The following SNX29 variants were observed in gnomAD, a reference collection of about 807,000 sequenced individuals.
SNX29 encodes the protein sorting nexin 29.
A neutral mutation model predicts 102.1 loss-of-function variants in SNX29; 78 were observed. The observed-to-expected ratio is 0.76, with a 90% CI of 0.64 to 0.92. SNX29 has a LOEUF of 0.92. Among genes scored for constraint, SNX29 ranks in the 40% least tolerant of loss-of-function variants. The probability of loss-of-function intolerance (pLI) is 0.00; values close to 1 mark genes in which losing one functional copy is unlikely to be tolerated. For synonymous variants in SNX29, 580 were observed against 414.5 expected, an observed-to-expected ratio of 1.40 and a Z score of -4.85; for missense variants, 1,280 against 1,061.7, an observed-to-expected ratio of 1.21 and a Z score of -2.86.
chr16:12,145,321 G>C (rs2055021722), intron 13 of SNX29, among the ~76,000 whole-genome samples: 1 of 152,206 alleles, frequency 6.6e-6, no homozygotes, highest in African/African-American at 2.4e-5. Context: ...GTCCACTTAA[G>C]TATATTTTTA....
intron 16 of SNX29, among the ~76,000 whole-genome samples, chr16:12,362,890 G>C (rs573262699): frequency 6.6e-6 from 1 of 152,156 alleles, no homozygotes; most frequent in African/African-American, 2.4e-5. Flanking sequence ...TTGGGTTTCA[G>C]TGATTCACAT....
chr16:12,018,923 T>A (rs2056932159), intron 3 of SNX29, among the ~76,000 whole-genome samples: 1 of 152,034 alleles, frequency 6.6e-6, no homozygotes, highest in Non-Finnish European at 1.5e-5. Context: ...TGTTTTTACA[T>A]TTGTGGGTTA....
At chr16:12,509,807 A>C (rs185252631) in intron 19 of SNX29, among the ~76,000 whole-genome samples, 4 of 152,172 alleles carry the variant, frequency 2.6e-5, no homozygotes, top group Non-Finnish European at 5.9e-5. Context: ...CCGCCACATG[A>C]GTGAATGCCG....
chr16:12,447,460 A>G (rs201956215), intron 18 of SNX29, among the ~76,000 whole-genome samples: 7 of 152,162 alleles, frequency 4.6e-5, no homozygotes, highest in South Asian at 2.1e-4. Context: ...TTCTGGATCA[A>G]TTTTCACCTT....
intron 14 of SNX29, among the ~76,000 whole-genome samples, chr16:12,221,991 C>T (rs764756998): frequency 6.6e-6 from 1 of 152,164 alleles, no homozygotes; most frequent in Non-Finnish European, 1.5e-5. Flanking sequence ...TGGAACTGGA[C>T]CTTTCCACGT....
At chr16:12,285,709 T>C (rs2079572616) in intron 15 of SNX29, among the ~76,000 whole-genome samples, 1 of 152,224 alleles carries the variant, frequency 6.6e-6, no homozygotes, top group Non-Finnish European at 1.5e-5. Flanking sequence ...CTCATGCGTG[T>C]CCAGGAGTCA....
chr16:12,344,982 C>G (rs1597007504), intron 15 of SNX29, among the ~76,000 whole-genome samples: 2 of 152,356 alleles, frequency 1.3e-5, no homozygotes, highest in Admixed American at 1.3e-4. Flanking sequence ...TAATTACACC[C>G]ATTGTGTGGC....
At chr16:12,402,724 C>A (rs1231278410) in intron 17 of SNX29, among the ~76,000 whole-genome samples, 2 of 152,188 alleles carry the variant, frequency 1.3e-5, no homozygotes, top group Non-Finnish European at 2.9e-5. Context: ...TAGGTAAAAG[C>A]ATGGAGCTGT....
chr16:12,308,932 G>T (rs752339561), intron 15 of SNX29, among the ~76,000 whole-genome samples: 2 of 152,146 alleles, frequency 1.3e-5, no homozygotes, highest in Non-Finnish European at 2.9e-5. Context: ...AGAATGAGTC[G>T]GGGAAATGCA....
At chr16:12,082,336 G>A (rs1052037743) in intron 11 of SNX29, among the ~76,000 whole-genome samples, 11 of 152,064 alleles carry the variant, frequency 7.2e-5, no homozygotes, top group Admixed American at 5.9e-4. Flanking sequence ...GAGTTCCTGC[G>A]GCCGGGGCTG....
At chr16:12,440,165 C>A (rs929378766) in intron 18 of SNX29, among the ~76,000 whole-genome samples, 1 of 152,212 alleles carries the variant, frequency 6.6e-6, no homozygotes, top group Non-Finnish European at 1.5e-5. Context: ...CTGTCACATC[C>A]TCCCTCCCCT....
At position 12,558,293 on chromosome 16, in the gene SNX29, C is replaced by T. The variant is rs540746225; in HGVS notation, c.2319-10213C>T. On this transcript the variant is annotated intron_variant, in intron 20 of 20. Coordinates refer to ENST00000566228, the MANE Select transcript of SNX29 (RefSeq NM_032167.5). ...GTCAGGCTGAGCCAGCTCTGAAACG[C>T]GAGATGGCCCCTGGTCACCTCAAGT... is the stretch of plus-strand genomic sequence containing the variant. Among the ~76,000 whole-genome samples, 21 of 152,214 alleles carry T rather than the reference C, an allele frequency of 1.4e-4. No homozygotes were observed. The South Asian group carries it at 2.5e-3, about 18-fold the overall frequency.
chr16:12,534,973 C>A (rs550602755), intron 20 of SNX29, among the ~76,000 whole-genome samples: 4 of 152,118 alleles, frequency 2.6e-5, no homozygotes, highest in Non-Finnish European at 5.9e-5. Flanking sequence ...CTGACCTGAA[C>A]GTCATTAGTG....
intron 20 of SNX29, among the ~76,000 whole-genome samples, chr16:12,544,598 G>A (rs922259810): frequency 2.3e-4 from 35 of 152,210 alleles, no homozygotes; most frequent in African/African-American, 7.7e-4. Flanking sequence ...TTAATGAGTT[G>A]TCACTCCTGA....
At chr16:12,422,744 C>A (rs561304155) in intron 18 of SNX29, among the ~76,000 whole-genome samples, 21 of 152,348 alleles carry the variant, frequency 1.4e-4, no homozygotes, top group African/African-American at 4.8e-4. Flanking sequence ...TCTCTCCCAG[C>A]CCCTGAGAAG....
intron 18 of SNX29, among the ~76,000 whole-genome samples, chr16:12,413,783 G>C (rs549099437): frequency 6.6e-6 from 1 of 152,326 alleles, no homozygotes; most frequent in East Asian, 1.9e-4. Context: ...GTGGCTTTGA[G>C]AGCCGCCTTG....
intron 20 of SNX29, among the ~76,000 whole-genome samples, chr16:12,529,823 C>G (rs560310802): frequency 2.0e-5 from 3 of 152,300 alleles, no homozygotes; most frequent in African/African-American, 7.2e-5. Context: ...CCAGGGGTCA[C>G]TTGAACCTAA....
At chr16:12,196,229 C>G (rs1055575538) in intron 13 of SNX29, among the ~76,000 whole-genome samples, 3 of 151,988 alleles carry the variant, frequency 2.0e-5, no homozygotes, top group Admixed American at 6.6e-5. Context: ...CTCAGCCTCC[C>G]CAGGTGGGTA....
chr16:12,481,447 C>T (rs1009463926), intron 19 of SNX29, among the ~76,000 whole-genome samples: 1 of 106,208 alleles, frequency 9.4e-6, no homozygotes, highest in Admixed American at 9.3e-5. Context: ...TATACACACA[C>T]ATATATACAT....
Sources: allele counts gnomAD v4.1 joint callset (sites outside exome capture counted in the v4.1 genomes callset), GRCh38; gene constraint gnomAD v4.1.1; transcripts MANE v1.5; gene names NCBI Gene and HGNC (gene_info 2026-07-23, HGNC 2026-07-21).